SLC47A2: variants seen among roughly 807,000 people sequenced by gnomAD.
SLC47A2 encodes solute carrier family 47 member 2.
Under a neutral mutation model 67.7 loss-of-function variants are expected in SLC47A2, and 52 were observed. The ratio of observed to expected loss-of-function variants is 0.77; its 90% CI spans 0.61 to 0.97. The LOEUF is 0.97. Among genes scored for constraint, SLC47A2 ranks in the 50% least tolerant of loss-of-function variants. The pLI, the probability that SLC47A2 is intolerant of heterozygous loss-of-function variation, is 0.00. For missense variants in SLC47A2, 676 were observed against 712.3 expected, an observed-to-expected ratio of 0.95 and a Z score of 0.58; for synonymous variants, 278 against 292.9, an observed-to-expected ratio of 0.95 and a Z score of 0.52.
At chr17:19,699,939 G>A (rs1421089886) in intron 13 of SLC47A2, among the ~76,000 whole-genome samples, 1 of 152,148 alleles carries the variant, frequency 6.6e-6, no homozygotes, top group Admixed American at 6.6e-5. Flanking sequence ...GAACTACTCG[G>A]TAATAAAAGG....
At chr17:19,698,606 C>T (rs1011034297) in intron 13 of SLC47A2, among the ~76,000 whole-genome samples, 5 of 152,148 alleles carry the variant, frequency 3.3e-5, no homozygotes, top group African/African-American at 1.2e-4. Flanking sequence ...TCCTTTGCCT[C>T]AGCCTCCCAA....
intron 10 of SLC47A2, chr17:19,705,148 C>T (rs1420367866): frequency 2.2e-6 from 1 of 446,748 alleles, no homozygotes; most frequent in Non-Finnish European, 3.9e-6. Flanking sequence ...AAAGAAAATC[C>T]AAAAATAAGA....
intron 10 of SLC47A2, chr17:19,704,598 T>C (rs1248687921): frequency 6.9e-7 from 1 of 1,450,346 alleles, no homozygotes; most frequent in East Asian, 2.5e-5. Context: ...GTAATGTAGA[T>C]TTTTGTGACT....
chr17:19,682,256 G>C (rs1316175588), intron 13 of SLC47A2, among the ~76,000 whole-genome samples: 1 of 151,492 alleles, frequency 6.6e-6, no homozygotes, highest in African/African-American at 2.4e-5. Flanking sequence ...TACTTGGGAG[G>C]CTAAGGCACG....
intron 13 of SLC47A2, among the ~76,000 whole-genome samples, chr17:19,689,177 G>T (rs568618020): frequency 1.3e-5 from 2 of 152,138 alleles, no homozygotes; most frequent in Non-Finnish European, 2.9e-5. Context: ...AAAATGCTGG[G>T]ATTACAGTTG....
intron 13 of SLC47A2, among the ~76,000 whole-genome samples, chr17:19,692,488 A>C (rs549123475): frequency 6.6e-6 from 1 of 152,352 alleles, no homozygotes; most frequent in East Asian, 1.9e-4. Context: ...AACTAACTTA[A>C]CAAGAAATAG....
chr17:19,714,599 C>A, intron 3 of SLC47A2, 122 bp downstream of exon 3: 1 of 1,134,794 alleles, frequency 8.8e-7, no homozygotes, highest in Non-Finnish European at 1.3e-6. Flanking sequence ...GGGCAGCTGA[C>A]CCCAGGGCCC....
chr17:19,709,831 C>T (rs544058396), intron 5 of SLC47A2, among the ~76,000 whole-genome samples: 18 of 152,212 alleles, frequency 1.2e-4, no homozygotes, highest in Admixed American at 1.1e-3. Flanking sequence ...CATTTCCCCC[C>T]GACCCAGCCC....
intron 13 of SLC47A2, among the ~76,000 whole-genome samples, chr17:19,688,645 G>T (rs762017496): frequency 3.3e-5 from 5 of 151,790 alleles, no homozygotes; most frequent in Non-Finnish European, 7.4e-5. Flanking sequence ...AGGCTGGAGG[G>T]TTCAGGGACT....
intron 13 of SLC47A2, among the ~76,000 whole-genome samples, chr17:19,690,293 C>T (rs1425275390): frequency 6.6e-6 from 1 of 152,178 alleles, no homozygotes; most frequent in African/African-American, 2.4e-5. Context: ...AAGACTTGAA[C>T]TGAAGACCTC....
At chr17:19,708,271 C>T in intron 7 of SLC47A2, 31 bp downstream of exon 7, 1 of 1,610,408 alleles carries the variant, frequency 6.2e-7, no homozygotes, top group Non-Finnish European at 8.5e-7. Context: ...GCAGTGTCCC[C>T]TGACCAGGCC....
chr17:19,706,221 T>A (rs1230849827), intron 9 of SLC47A2, among the ~76,000 whole-genome samples: 1 of 152,130 alleles, frequency 6.6e-6, no homozygotes, highest in African/African-American at 2.4e-5. Context: ...AGTCCTCACT[T>A]CACCGAGTGC....
chr17:19,680,472 T>C (rs2085289479), intron 15 of SLC47A2, among the ~76,000 whole-genome samples: 1 of 152,170 alleles, frequency 6.6e-6, no homozygotes, highest in Non-Finnish European at 1.5e-5. Context: ...AGAGCGATAC[T>C]CCATCTCAAA....
At chr17:19,714,349 C>A (rs753673004) in intron 3 of SLC47A2, 4 of 408,502 alleles carry the variant, frequency 9.8e-6, no homozygotes, top group Non-Finnish European at 1.8e-5. Flanking sequence ...ACTGCAGGCC[C>A]CTGCAAGCAG....
chr17:19,704,184 A>T lies in SLC47A2; in HGVS notation c.910-6T>A, dbSNP rs141033668. On this transcript the variant is annotated splice_polypyrimidine_tract_variant and splice_region_variant and intron_variant, in intron 10 of 16. Transcript: ENST00000433844. ...ATGCTGAGCCCCAAGGGAATCTGGGATCAAAGATAAGAAAGCACTGTCAGT... is the reference window on the plus strand; with the variant it reads ...ATGCTGAGCCCCAAGGGAATCTGGGTTCAAAGATAAGAAAGCACTGTCAGT... 1.9e-6 allele frequency: 3 copies of T among 1,600,360 alleles called. No individual in the cohort carries two copies. The South Asian group carries it at 3.4e-5, about 18-fold the overall frequency.
intron 5 of SLC47A2, among the ~76,000 whole-genome samples, chr17:19,709,049 A>C (rs2086026835): frequency 6.6e-6 from 1 of 152,254 alleles, no homozygotes; most frequent in South Asian, 2.1e-4. Flanking sequence ...CTCATAGTGC[A>C]CAGTGCCTGG....
intron 13 of SLC47A2, among the ~76,000 whole-genome samples, chr17:19,687,926 C>A (rs2085461098): frequency 6.6e-6 from 1 of 152,148 alleles, no homozygotes; most frequent in Non-Finnish European, 1.5e-5. Context: ...AAGCCCAGGA[C>A]CCAATGACTT....
At chr17:19,716,685 G>GGA (rs1567641563), upstream of SLC47A2, 89 of 1,344,712 alleles carry the variant, frequency 6.6e-5, no homozygotes, top group Non-Finnish European at 3.2e-5. Context: ...CAGGAGGAGG[G>GGA]GCTACCATGG....
intron 13 of SLC47A2, 139 bp from the exon 14 acceptor site, chr17:19,681,809 C>T (rs567295224): frequency 2.9e-6 from 3 of 1,040,334 alleles, no homozygotes; most frequent in East Asian, 2.6e-5. Flanking sequence ...GCCCTTATCT[C>T]CCTTTCTTCC....
Sources: gnomAD v4.1 joint callset for allele counts (sites outside exome capture counted in the v4.1 genomes callset) on GRCh38, gnomAD v4.1.1 for gene constraint, MANE v1.5 for transcripts, NCBI Gene and HGNC (gene_info 2026-07-23, HGNC 2026-07-21) for gene names.